PARS2: variants seen among roughly 807,000 people sequenced by gnomAD.
PARS2 encodes the protein prolyl-tRNA synthetase 2, mitochondrial, also known as probable proline--tRNA ligase, mitochondrial.
PARS2 carries 20 observed loss-of-function variants against 27.4 expected under a neutral mutation model. That is an observed-to-expected ratio of 0.73 (90% CI 0.51 to 1.06). The LOEUF (loss-of-function observed/expected upper bound fraction) is 1.06, where lower values mean the gene tolerates loss of function less well. Ranked by LOEUF, PARS2 falls within the 50% of genes least tolerant of loss-of-function variation. The pLI, the probability that PARS2 is intolerant of heterozygous loss-of-function variation, is 0.00. For missense variants in PARS2, 585 were observed against 602.1 expected (o/e 0.97, Z 0.30); for synonymous variants, 240 against 247.1 (o/e 0.97, Z 0.27).
In PARS2 at chr1:54,758,602, T is replaced by C. The variant is rs193204977; in HGVS notation, c.560A>G (p.Lys187Arg). ...LPFLLYQVTRKFRDEPRPRFG... is the reference protein window; with the variant it reads ...LPFLLYQVTRRFRDEPRPRFG... ...GCGGGGCCTGGGCTCATCCCGAAAC[T>C]TCCTTGTCACTTGGTACAGCAGGAA... is the stretch of plus-strand genomic sequence containing the variant. The change falls in exon 2 of 2, where the codon AAG (lysine) becomes AGG (arginine). Residue 187 changes from lysine to arginine, a missense_variant. Transcript: ENST00000371279. 132 of 1,614,176 alleles carry C rather than the reference T, an allele frequency of 8.2e-5. No individual in the cohort carries two copies. The Admixed American group carries it at 1.2e-3, about 14-fold the overall frequency.
intron 1 of PARS2, among the ~76,000 whole-genome samples, chr1:54,763,446 C>A (rs1646167997): frequency 6.6e-6 from 1 of 152,144 alleles, no homozygotes; most frequent in Admixed American, 6.5e-5. Flanking sequence ...ATTTCAGAGT[C>A]TCGCATAATG....
At position 54,757,994 on chromosome 1, in the gene PARS2, T is replaced by C; in HGVS notation, c.1168A>G (p.Ile390Val). 1.2e-6 allele frequency: 2 copies of C among 1,614,142 alleles called. No homozygotes were observed. The highest frequency in any genetic ancestry group is 2.2e-5 in the East Asian group (1 of 44,884). The part of the protein sequence containing the change: ...GSKEQAASEL[I>V]GQLYDHITEA... The stretch of plus-strand genomic sequence containing the variant: ...GTGATGTGGTCGTACAGCTGCCCTA[T>C]GAGCTCGGAGGCCGCCTGCTCCTTA... The change falls in exon 2 of 2, where the codon ATA (isoleucine) becomes GTA (valine). Residue 390 changes from isoleucine (I) to valine (V), a missense_variant. Physicochemically the swap from Ile to Val is conservative, Grantham distance 29. Transcript: ENST00000371279.
At chr1:54,759,296 T>C in intron 1 of PARS2, 106 bp from the exon 2 acceptor site, 1 of 635,600 alleles carries the variant, frequency 1.6e-6, no homozygotes, top group South Asian at 2.2e-5. Context: ...GCCACTGATT[T>C]TGCAGATACA....
rs1331881702 is a variant in PARS2, at chr1:54,758,996, C to G, written c.166G>C (p.Val56Leu). ...TCAGATTTGTCCTGCAGGGAGAGCA[C>G]CCGGTCTTCCCGAAGGTTCTGTGGC... ...FQPQNLREDRVLSLQDKSDDL... is the reference protein window; with the variant it reads ...FQPQNLREDRLLSLQDKSDDL... Residue 56 changes from valine (V) to leucine (L), a missense_variant, in exon 2 of 2, where the codon GTG (valine) becomes CTG (leucine). Physicochemically the swap from Val to Leu is conservative, Grantham distance 32. Transcript: ENST00000371279. 1.9e-6 allele frequency: 3 copies of G among 1,614,040 alleles called. No individual in the cohort carries two copies. The highest frequency in any genetic ancestry group is 2.7e-5 in the African/African-American group (2 of 74,928).
chr1:54,758,576 A>G lies in PARS2; in HGVS notation c.586T>C (p.Phe196Leu). 1 of 1,614,228 alleles carries G rather than the reference A, an allele frequency of 6.2e-7. No individual in the cohort carries two copies. The highest frequency in any genetic ancestry group is 1.3e-5 in the African/African-American group (1 of 75,066). ...RKFRDEPRPR[F>L]GLLRGREFYM... is the part of the protein sequence containing the mutation. ...AACTCTCGGCCACGGAGAAGACCAA[A>G]GCGGGGCCTGGGCTCATCCCGAAAC... The change falls in exon 2 of 2, where the codon TTT becomes CTT. Residue 196 changes from phenylalanine to leucine, a missense_variant. By Grantham distance (22) the Phe-to-Leu change is conservative. Coordinates refer to ENST00000371279, the MANE Select transcript of PARS2 (RefSeq NM_152268.4).
chr1:54,762,660 T>A (rs1327463519), intron 1 of PARS2, among the ~76,000 whole-genome samples: 1 of 152,248 alleles, frequency 6.6e-6, no homozygotes, highest in Non-Finnish European at 1.5e-5. Flanking sequence ...GTCTATTTTA[T>A]TCCAAGTTTT....
At chr1:54,762,196 G>T (rs1295239373) in intron 1 of PARS2, among the ~76,000 whole-genome samples, 1 of 149,924 alleles carries the variant, frequency 6.7e-6, no homozygotes, top group East Asian at 2.0e-4. Context: ...GGAGTGCAGT[G>T]GTGCAATGTC....
rs369177515 is a variant in PARS2 at position 54,757,907 on chromosome 1, C to T, written c.1255G>A (p.Gly419Arg). The T allele has an allele frequency of 2.2e-5, 35 of 1,614,046 alleles. No homozygotes were observed. Among genetic ancestry groups the T allele is most frequent in the Non-Finnish European group, 2.5e-5 (29 of 1,180,024 alleles). ...LLDDRTHLTIGNRLKDANKFG... is the reference protein window; with the variant it reads ...LLDDRTHLTIRNRLKDANKFG... ...TTGTTGGCATCTTTCAGTCTGTTTCCGATGGTCAGATGGGTCCTGTCGTCC... is the reference window on the plus strand; with the variant it reads ...TTGTTGGCATCTTTCAGTCTGTTTCTGATGGTCAGATGGGTCCTGTCGTCC... The change falls in exon 2 of 2, where the codon GGA becomes AGA. Residue 419 changes from glycine (G) to arginine (R), a missense_variant. By Grantham distance (125) the Gly-to-Arg change is moderately radical. Transcript: ENST00000371279.
At chr1:54,759,670 C>T (rs1304082977) in intron 1 of PARS2, among the ~76,000 whole-genome samples, 3 of 152,066 alleles carry the variant, frequency 2.0e-5, no homozygotes, top group African/African-American at 7.2e-5. Flanking sequence ...CTAATGTCTG[C>T]TATTATTATT....
At chr1:54,762,133 CTT>C (rs1646161194) in intron 1 of PARS2, among the ~76,000 whole-genome samples, 1 of 140,760 alleles carries the variant, frequency 7.1e-6, no homozygotes, top group Non-Finnish European at 1.5e-5. Context: ...CGCTGGAGGG[CTT>C]GTTTTTTTTT....
At position 54,762,024 on chromosome 1, in the gene PARS2, T is replaced by G. The variant is rs1397697389; in HGVS notation, c.-30+2437A>C. On this transcript the variant is annotated intron_variant, in intron 1 of 1. Coordinates refer to ENST00000371279, the MANE Select transcript of PARS2 (RefSeq NM_152268.4). Reference sequence around the variant, plus strand: ...GGTTTCCCTTAAGTCCACCCCCTCCTTTCTGGCCCTTACTGCCTCAACATT... The same window carrying G: ...GGTTTCCCTTAAGTCCACCCCCTCCGTTCTGGCCCTTACTGCCTCAACATT... Among the ~76,000 whole-genome samples, 7 of 152,324 alleles carry G rather than the reference T, an allele frequency of 4.6e-5. No individual in the cohort carries two copies. The East Asian group carries it at 1.4e-3, about 29-fold the overall frequency.
rs1229269681 is a variant in PARS2 at position 54,758,678 on chromosome 1, T to C, written c.484A>G (p.Ile162Val). The C allele has an allele frequency of 2.5e-6, 4 of 1,614,220 alleles. No homozygotes were observed. The highest frequency in any genetic ancestry group is 2.2e-5 in the East Asian group (1 of 44,892). ...YCLGPTHEEA[I>V]TALIASQKKL... ...TTCTGGGAGGCAATTAAGGCCGTAA[T>C]GGCTTCCTCGTGAGTTGGTCCTAAG... is the stretch of plus-strand genomic sequence containing the variant. Residue 162 changes from isoleucine (I) to valine (V), a missense_variant, in exon 2 of 2, where the codon ATT (isoleucine) becomes GTT (valine). By Grantham distance (29) the Ile-to-Val change is conservative (BLOSUM62 3). Coordinates refer to ENST00000371279, the MANE Select transcript of PARS2 (RefSeq NM_152268.4).
At position 54,757,965 on chromosome 1, in the gene PARS2, C is replaced by T. The variant is rs752271065; in HGVS notation, c.1197G>A (p.Glu399=). The part of the protein sequence containing the change: ...LIGQLYDHIT[E]AVPQLHGEVL... Reference sequence around the variant, plus strand: ...CCTCCCCGTGAAGCTGAGGCACTGCCTCTGTGATGTGGTCGTACAGCTGCC... The same window carrying T: ...CCTCCCCGTGAAGCTGAGGCACTGCTTCTGTGATGTGGTCGTACAGCTGCC... Residue 399 remains glutamate (E), a synonymous_variant, in exon 2 of 2, where the codon GAG becomes GAA. Transcript: ENST00000371279. 4 of 1,614,040 alleles carry T rather than the reference C, an allele frequency of 2.5e-6. No individual in the cohort carries two copies. The highest frequency in any genetic ancestry group is 3.4e-6 in the Non-Finnish European group (4 of 1,180,026).
Position 54,757,684 on chromosome 1 carries a change from T to C in PARS2, c.*50A>G, listed in dbSNP as rs999625425. On this transcript the variant is annotated 3_prime_UTR_variant, in exon 2 of 2. Transcript: ENST00000371279. ...AAAGGGGTGTAGGAAAATGCAGTGT[T>C]AGAACGAACACCAAGGCTGCAAATG... 3 of 1,288,832 alleles carry C rather than the reference T, an allele frequency of 2.3e-6. No homozygotes were observed. The highest frequency in any genetic ancestry group is 3.7e-5 in the Admixed American group (2 of 53,386). 79.8% of individuals were successfully genotyped at this position (1,288,832 alleles called of 1,614,324 possible).
In PARS2 at chr1:54,758,655, C is replaced by T. The variant is rs928111486; in HGVS notation, c.507G>A (p.Gln169=). Residue 169 remains glutamine, a synonymous_variant, in exon 2 of 2, where the codon CAG becomes CAA. Coordinates refer to ENST00000371279, the MANE Select transcript of PARS2 (RefSeq NM_152268.4). Reference sequence around the variant, plus strand: ...GAAGCTGCTTGTAGGACAGTTTCTTCTGGGAGGCAATTAAGGCCGTAATGG... The same window carrying T: ...GAAGCTGCTTGTAGGACAGTTTCTTTTGGGAGGCAATTAAGGCCGTAATGG... ...EEAITALIAS[Q]KKLSYKQLPF... The T allele has an allele frequency of 1.2e-6, 2 of 1,614,228 alleles. No individual in the cohort carries two copies. The highest frequency in any genetic ancestry group is 2.2e-5 in the East Asian group (1 of 44,888).
chr1:54,761,666 T>C (rs1428492478), intron 1 of PARS2, among the ~76,000 whole-genome samples: 1 of 152,212 alleles, frequency 6.6e-6, no homozygotes, highest in Admixed American at 6.5e-5. Flanking sequence ...CCCGGCAGTA[T>C]GCTGGGTATG....
chr1:54,759,283 G>T, intron 1 of PARS2, 93 bp from the exon 2 acceptor site: 2 of 684,490 alleles, frequency 2.9e-6, no homozygotes, highest in East Asian at 2.8e-5. Flanking sequence ...AACTTCGAAG[G>T]CAGCCACTGA....
chr1:54,761,473 T>C (rs1570091801), intron 1 of PARS2, among the ~76,000 whole-genome samples: 1 of 152,216 alleles, frequency 6.6e-6, no homozygotes, highest in South Asian at 2.1e-4. Flanking sequence ...AAATCAGTAG[T>C]TGGTTTTCTC....
chr1:54,757,601 T>C lies in PARS2; in HGVS notation c.*133A>G. On this transcript the variant is annotated 3_prime_UTR_variant, in exon 2 of 2. Coordinates refer to ENST00000371279, the MANE Select transcript of PARS2 (RefSeq NM_152268.4). ...ACAAATGACTAGATAAAAATTGATTTCCCTAACATGATCTCACCCTCCATG... is the reference window on the plus strand; with the variant it reads ...ACAAATGACTAGATAAAAATTGATTCCCCTAACATGATCTCACCCTCCATG... 1 of 598,548 alleles carries C rather than the reference T, an allele frequency of 1.7e-6. No individual in the cohort carries two copies. The allele number at this position is 598,548 out of a possible 1,614,324, so 37.1% of individuals were successfully genotyped here. A position where few individuals can be genotyped will look rare whatever the true frequency, so the allele number is the denominator to read the frequency against.
Sources: allele counts gnomAD v4.1 joint callset (sites outside exome capture counted in the v4.1 genomes callset), GRCh38; gene constraint gnomAD v4.1.1; transcripts MANE v1.5; gene names NCBI Gene and HGNC (gene_info 2026-07-23, HGNC 2026-07-21).